The following ZNF334 variants were observed in gnomAD, a reference collection of about 807,000 sequenced individuals.
ZNF334 encodes the protein zinc finger protein 334.
ZNF334 carries 14 observed loss-of-function variants against 12.4 expected under a neutral mutation model. The observed-to-expected ratio is 1.13, with a 90% CI of 0.74 to 1.76. ZNF334 has a LOEUF of 1.76. Ranked by LOEUF, ZNF334 falls within the 40% of genes most tolerant of loss-of-function variation. The pLI, the probability that ZNF334 is intolerant of heterozygous loss-of-function variation, is 0.00. For missense variants in ZNF334, 797 were observed against 804.5 expected (o/e 0.99, Z 0.11); for synonymous variants, 273 against 269.6 (o/e 1.01, Z -0.12).
chr20:46,469,393 G>A, the ZNF334 span, among the ~76,000 whole-genome samples: 1 of 150,460 alleles, frequency 6.6e-6, no homozygotes, highest in African/African-American at 2.5e-5. Context: ...TTTTGAGACG[G>A]AGTCTCGCTC....
At chr20:46,508,175 G>GT (rs1367562251) in intron 2 of ZNF334, among the ~76,000 whole-genome samples, 7 of 152,312 alleles carry the variant, frequency 4.6e-5, no homozygotes, top group Non-Finnish European at 2.9e-5. Flanking sequence ...AAGCAATACT[G>GT]TAAGTAGAAT....
At chr20:46,488,625 T>C in the ZNF334 span, among the ~76,000 whole-genome samples, 1 of 151,904 alleles carries the variant, frequency 6.6e-6, no homozygotes, top group East Asian at 1.9e-4. Flanking sequence ...CATTCCTTGG[T>C]GTAGGGCCAA....
chr20:46,464,949 G>C, the ZNF334 span: 1 of 485,742 alleles, frequency 2.1e-6, no homozygotes, highest in Admixed American at 2.1e-5. Context: ...GCAGTTGCTT[G>C]TTCGTTTCAG....
chr20:46,503,155 A>G, intron 4 of ZNF334, 58 bp from the exon 5 acceptor site: 1 of 1,503,038 alleles, frequency 6.7e-7, no homozygotes. Flanking sequence ...TTGCTATGAA[A>G]TGAGAATTCC....
At chr20:46,503,819 G>A (rs2061335832) in intron 4 of ZNF334, among the ~76,000 whole-genome samples, 1 of 152,164 alleles carries the variant, frequency 6.6e-6, no homozygotes, top group Non-Finnish European at 1.5e-5. Flanking sequence ...TGTTATTTCT[G>A]TTAAGTGACG....
At chr20:46,504,883 T>C in intron 2 of ZNF334, 143 bp from the exon 3 acceptor site, 1 of 632,126 alleles carries the variant, frequency 1.6e-6, no homozygotes, top group Non-Finnish European at 2.5e-6. Flanking sequence ...ATTAAAAATC[T>C]GTCACTGTGT....
chr20:46,501,937 T>C lies in ZNF334; in HGVS notation c.1402A>G (p.Lys468Glu). Residue 468 changes from lysine (K) to glutamate (E), a missense_variant, in exon 5 of 5, where the codon AAA (lysine) becomes GAA (glutamate). Coordinates refer to ENST00000692313, the MANE Select transcript of ZNF334 (RefSeq NM_001353824.2). The stretch of plus-strand genomic sequence containing the variant: ...AGTGTTGACTTATGGCAGAAAAATT[T>C]CCCACATTCATTACATTCATAAGAC... ...KKSYECNECG[K>E]FFCHKSTLTI... The C allele has an allele frequency of 6.2e-7, 1 of 1,614,084 alleles. No individual in the cohort carries two copies. The highest frequency in any genetic ancestry group is 1.3e-5 in the African/African-American group (1 of 75,064).
chr20:46,488,417 T>TATATATATATATATATATATATATATATA, the ZNF334 span, among the ~76,000 whole-genome samples: 6 of 98,028 alleles, frequency 6.1e-5, no homozygotes, highest in African/African-American at 3.2e-4. Context: ...GTAGCTCTTA[T>TATATATATATATATATATATATATATATA]TTTATATATA....
At chr20:46,470,623 T>C in the ZNF334 span, among the ~76,000 whole-genome samples, 1 of 152,172 alleles carries the variant, frequency 6.6e-6, no homozygotes, top group Admixed American at 6.5e-5. Flanking sequence ...CTATCTCTTC[T>C]TTACACTTTA....
the ZNF334 span, among the ~76,000 whole-genome samples, chr20:46,490,662 G>A: frequency 2.0e-5 from 3 of 152,052 alleles, no homozygotes; most frequent in South Asian, 2.1e-4. Context: ...ATTCTTGTAC[G>A]TGGAGAAACA....
At position 46,501,484 on chromosome 20, in the gene ZNF334, T is replaced by G; in HGVS notation, c.1855A>C (p.Arg619=). 6.2e-7 allele frequency: 1 copy of G among 1,613,760 alleles called. No individual in the cohort carries two copies. Among genetic ancestry groups the G allele is most frequent in the African/African-American group, 1.3e-5 (1 of 74,938 alleles). The part of the protein sequence containing the change: ...FCHKSAFRVH[R]RIHTGEKPYE... ...GGTTTCTCTCCTGTGTGAATTCTTC[T>G]ATGGACTCTGAAGGCTGACTTATGG... Residue 619 remains arginine, a synonymous_variant, in exon 5 of 5, where the codon AGA becomes CGA. Coordinates refer to ENST00000692313, the MANE Select transcript of ZNF334 (RefSeq NM_001353824.2).
chr20:46,465,034 C>G, the ZNF334 span: 251 of 363,182 alleles, frequency 6.9e-4, no homozygotes, highest in African/African-American at 5.2e-3. Context: ...CCCACTACGC[C>G]ATGTGGACTG....
At chr20:46,490,237 A>G in the ZNF334 span, among the ~76,000 whole-genome samples, 1 of 152,226 alleles carries the variant, frequency 6.6e-6, no homozygotes, top group Admixed American at 6.5e-5. Flanking sequence ...TGTAGATTTA[A>G]GATTGTTCTT....
intron 2 of ZNF334, chr20:46,509,594 C>A (rs1240759098): frequency 1.4e-6 from 1 of 703,012 alleles, no homozygotes; most frequent in Non-Finnish European, 2.6e-6. Context: ...ATGGGGAATT[C>A]ATCTGCCCAC....
the ZNF334 span, chr20:46,485,440 T>TTTG: frequency 5.3e-5 from 5 of 93,552 alleles, no homozygotes; most frequent in Admixed American, 9.5e-5. Flanking sequence ...GTTTTTTTTG[T>TTTG]TTTTTTTTTT....
the ZNF334 span, among the ~76,000 whole-genome samples, chr20:46,473,033 A>C: frequency 6.6e-6 from 1 of 152,148 alleles, no homozygotes; most frequent in Non-Finnish European, 1.5e-5. Flanking sequence ...ACCTATTCAT[A>C]TTTTCTATCT....
Position 46,502,448 on chromosome 20 carries a change from T to C in ZNF334, c.891A>G (p.Glu297=). Residue 297 remains glutamate (E), a synonymous_variant, in exon 5 of 5, where the codon GAA becomes GAG. Transcript: ENST00000692313. ...HTGERPYECS[E]CRKTFIDKSA... is the part of the protein sequence containing the mutation. ...ATTTGTCAATGAAGGTTTTCCTGCA[T>C]TCACTGCATTCATAGGGTCTCTCTC... is the stretch of plus-strand genomic sequence containing the variant. The C allele has an allele frequency of 6.2e-7, 1 of 1,614,114 alleles. No homozygotes were observed. The highest frequency in any genetic ancestry group is 8.5e-7 in the Non-Finnish European group (1 of 1,179,982).
chr20:46,502,139 T>A lies in ZNF334; in HGVS notation c.1200A>T (p.Thr400=), dbSNP rs150647055. Residue 400 remains threonine (T), a synonymous_variant, in exon 5 of 5, where the codon ACA becomes ACT. Coordinates refer to ENST00000692313, the MANE Select transcript of ZNF334 (RefSeq NM_001353824.2). ...SALTAHQRIH[T]GEKPYECSEC... ...CACTACATTCATAGGGTTTTTCCCC[T>A]GTGTGAATTCTCTGATGCGCAGTAA... is the stretch of plus-strand genomic sequence containing the variant. 3.7e-6 allele frequency: 6 copies of A among 1,613,426 alleles called. No individual in the cohort carries two copies. The African/African-American group carries it at 5.4e-5, about 14-fold the overall frequency.
chr20:46,492,585 G>A, the ZNF334 span: 1 of 152,494 alleles, frequency 6.6e-6, no homozygotes, highest in South Asian at 2.1e-4. Context: ...AAAGCTTTTA[G>A]CTTAAACTCA....
Sources: allele counts gnomAD v4.1 joint callset (sites outside exome capture counted in the v4.1 genomes callset), GRCh38; gene constraint gnomAD v4.1.1; transcripts MANE v1.5; gene names NCBI Gene and HGNC (gene_info 2026-07-23, HGNC 2026-07-21).